The following CTNNA3 variants were observed in gnomAD, a reference collection of about 807,000 sequenced individuals.
The protein encoded by CTNNA3 is catenin alpha 3.
In CTNNA3, 76 loss-of-function variants were observed where a neutral mutation model predicts 95.7. The ratio of observed to expected loss-of-function variants is 0.79; its 90% CI spans 0.66 to 0.96. The LOEUF (loss-of-function observed/expected upper bound fraction) is 0.96, where lower values mean the gene tolerates loss of function less well. Ranked by LOEUF, CTNNA3 falls within the 40% of genes least tolerant of loss-of-function variation. The pLI is 0.00. For missense variants in CTNNA3, 1,191 were observed against 1,089.8 expected (o/e 1.09, Z -1.31); for synonymous variants, 431 against 374.4 (o/e 1.15, Z -1.74).
chr10:67,281,434 A>C (rs928520792), intron 5 of CTNNA3, among the ~76,000 whole-genome samples: 11 of 152,328 alleles, frequency 7.2e-5, no homozygotes, highest in African/African-American at 2.6e-4. Context: ...CTTTATTTAC[A>C]CTTCTGAGTG....
intron 7 of CTNNA3, among the ~76,000 whole-genome samples, chr10:66,873,355 G>T (rs553879205): frequency 3.3e-4 from 49 of 146,492 alleles, no homozygotes; most frequent in African/African-American, 1.1e-3. Flanking sequence ...ACAGCATCTG[G>T]TTTTTTTGTT....
intron 7 of CTNNA3, among the ~76,000 whole-genome samples, chr10:66,846,119 G>A (rs1021203777): frequency 2.7e-5 from 4 of 145,628 alleles, no homozygotes; most frequent in Non-Finnish European, 4.5e-5. Context: ...GTGACAGAGC[G>A]AGACTCTGTC....
rs1017665972 is a variant in CTNNA3, at chr10:66,213,177, T to A, written c.1884+67293A>T. ...CTTTAATTTAAAGGTATTTTCTTTT[T>A]ACTGAATTTTCTACTTATAACTTCA... On this transcript the variant is annotated intron_variant, in intron 13 of 17. Coordinates refer to ENST00000433211, the MANE Select transcript of CTNNA3 (RefSeq NM_013266.4). Among the ~76,000 whole-genome samples, 7 of 152,316 alleles carry A rather than the reference T, an allele frequency of 4.6e-5. No homozygotes were observed. In the South Asian group the frequency reaches 1.0e-3, roughly 23 times the overall value.
intron 9 of CTNNA3, among the ~76,000 whole-genome samples, chr10:66,764,894 G>A (rs1043295014): frequency 6.6e-6 from 1 of 152,114 alleles, no homozygotes; most frequent in African/African-American, 2.4e-5. Context: ...ACTATGAAGA[G>A]GCCCAAAGGT....
chr10:66,373,412 C>T (rs10822824), intron 12 of CTNNA3, among the ~76,000 whole-genome samples: 134,495 of 152,004 alleles, frequency 0.88, 60,053 homozygotes, highest in East Asian at 1. Context: ...CTCATAATGT[C>T]ACCTAAGGTC....
At chr10:67,409,835 C>T (rs1296250727) in intron 5 of CTNNA3, among the ~76,000 whole-genome samples, 1 of 152,022 alleles carries the variant, frequency 6.6e-6, no homozygotes, top group Non-Finnish European at 1.5e-5. Flanking sequence ...AGAATGGCTA[C>T]TGTTAAAAAG....
At chr10:66,241,132 TATTA>T (rs990138087) in intron 13 of CTNNA3, among the ~76,000 whole-genome samples, 11 of 139,162 alleles carry the variant, frequency 7.9e-5, no homozygotes, top group African/African-American at 1.6e-4. Flanking sequence ...AAACCTTAAA[TATTA>T]ATTGTCTTCT....
intron 5 of CTNNA3, among the ~76,000 whole-genome samples, chr10:67,407,374 C>T (rs1483840635): frequency 1.3e-5 from 2 of 152,112 alleles, no homozygotes; most frequent in African/African-American, 4.8e-5. Context: ...AGCATCCTTT[C>T]ATGTAAAAAG....
chr10:66,430,714 A>C (rs1386093754), intron 11 of CTNNA3, among the ~76,000 whole-genome samples: 1 of 152,226 alleles, frequency 6.6e-6, no homozygotes, highest in Non-Finnish European at 1.5e-5. Context: ...AGAAAGCTGA[A>C]ACTGGATCCC....
chr10:66,906,758 A>ATT (rs555313489), intron 7 of CTNNA3, among the ~76,000 whole-genome samples: 2 of 150,264 alleles, frequency 1.3e-5, no homozygotes. Context: ...GCATTATAGC[A>ATT]TTTTTTTTTA....
chr10:67,409,587 G>A (rs1469270392), intron 5 of CTNNA3, among the ~76,000 whole-genome samples: 1 of 152,058 alleles, frequency 6.6e-6, no homozygotes, highest in Non-Finnish European at 1.5e-5. Flanking sequence ...GGCTGTTAGG[G>A]GTGGAGGTGG....
intron 17 of CTNNA3, among the ~76,000 whole-genome samples, chr10:65,946,222 T>A (rs904281009): frequency 6.6e-6 from 1 of 152,182 alleles, no homozygotes; most frequent in Non-Finnish European, 1.5e-5. Flanking sequence ...TTTAGAACAG[T>A]GCCTAGCATT....
intron 14 of CTNNA3, among the ~76,000 whole-genome samples, chr10:66,071,102 C>T (rs1488002178): frequency 6.6e-6 from 1 of 152,028 alleles, no homozygotes; most frequent in East Asian, 1.9e-4. Context: ...CAAAGGAAGA[C>T]TTAAGAGAAT....
chr10:67,215,447 T>C (rs1864313932), intron 6 of CTNNA3, among the ~76,000 whole-genome samples: 1 of 152,156 alleles, frequency 6.6e-6, no homozygotes, highest in Non-Finnish European at 1.5e-5. Context: ...GAGAATTTTT[T>C]GAAAGCTGTG....
chr10:66,921,113 G>C (rs1846763246), intron 7 of CTNNA3, among the ~76,000 whole-genome samples: 2 of 152,152 alleles, frequency 1.3e-5, no homozygotes, highest in African/African-American at 4.8e-5. Flanking sequence ...GAAGGTAACA[G>C]AAGACCTGAT....
chr10:66,033,422 A>G (rs1013964446), intron 15 of CTNNA3, among the ~76,000 whole-genome samples: 1 of 152,152 alleles, frequency 6.6e-6, no homozygotes, highest in Non-Finnish European at 1.5e-5. Context: ...GGCGTGAGCC[A>G]CTGTGCCCGG....
intron 7 of CTNNA3, among the ~76,000 whole-genome samples, chr10:66,862,107 G>A (rs1564730600): frequency 1.3e-5 from 2 of 152,068 alleles, no homozygotes; most frequent in Admixed American, 6.6e-5. Flanking sequence ...CCAGCTGCTC[G>A]GGAGGCTGAG....
chr10:66,530,859 T>G (rs889537517), intron 10 of CTNNA3, among the ~76,000 whole-genome samples: 1 of 152,132 alleles, frequency 6.6e-6, no homozygotes, highest in Non-Finnish European at 1.5e-5. Flanking sequence ...TTAAAAGTAT[T>G]TTTTAAGAGG....
chr10:67,720,129 C>CTGTTTTTGTTTTTTTTTTTTTTTTTTT (rs1841170774), intron 1 of CTNNA3, among the ~76,000 whole-genome samples: 1 of 6,614 alleles, frequency 1.5e-4, no homozygotes, highest in Non-Finnish European at 3.6e-4. Flanking sequence ...GCAACCCCTG[C>CTGTTTTTGTTTTTTTTTTTTTTTTTTT]TTTTTTTTTT....
Sources: gnomAD v4.1 joint callset for allele counts (sites outside exome capture counted in the v4.1 genomes callset) on GRCh38, gnomAD v4.1.1 for gene constraint, MANE v1.5 for transcripts, NCBI Gene and HGNC (gene_info 2026-07-23, HGNC 2026-07-21) for gene names.